ANKRD18A: variants seen among roughly 807,000 people sequenced by gnomAD.
The protein encoded by ANKRD18A is ankyrin repeat domain-containing protein 18A.
In ANKRD18A, 72 loss-of-function variants were observed where a neutral mutation model predicts 110.6. The ratio of observed to expected loss-of-function variants is 0.65; its 90% CI spans 0.54 to 0.79. The LOEUF is 0.79. Among genes scored for constraint, ANKRD18A ranks in the 30% least tolerant of loss-of-function variants. ANKRD18A has a pLI of 0.00. For missense variants in ANKRD18A, 934 were observed against 1,163.3 expected, an observed-to-expected ratio of 0.80 and a Z score of 2.87; for synonymous variants, 305 against 410.3, an observed-to-expected ratio of 0.74 and a Z score of 3.10.
chr9:38,585,427 T>C (rs1319019296), intron 12 of ANKRD18A, among the ~76,000 whole-genome samples: 2 of 152,180 alleles, frequency 1.3e-5, no homozygotes, highest in Non-Finnish European at 2.9e-5. Flanking sequence ...CTTCCTCATA[T>C]TGATTTATGA....
chr9:38,618,794 C>A (rs1825959158), intron 1 of ANKRD18A, among the ~76,000 whole-genome samples: 2 of 151,600 alleles, frequency 1.3e-5, no homozygotes, highest in Non-Finnish European at 2.9e-5. Flanking sequence ...TTCTAGAGTT[C>A]TTTTCTTGTG....
chr9:38,614,378 G>C (rs1825771284), intron 3 of ANKRD18A, among the ~76,000 whole-genome samples: 1 of 151,944 alleles, frequency 6.6e-6, no homozygotes. Context: ...AAACTCCTAG[G>C]CTCAAGCAAT....
intron 12 of ANKRD18A, among the ~76,000 whole-genome samples, chr9:38,584,583 A>C (rs899692932): frequency 2.0e-5 from 3 of 152,210 alleles, no homozygotes; most frequent in African/African-American, 7.2e-5. Flanking sequence ...GTTACACCCC[A>C]AAATTTATTT....
intron 10 of ANKRD18A, among the ~76,000 whole-genome samples, chr9:38,592,771 G>A (rs1489168155): frequency 6.6e-6 from 1 of 152,084 alleles, no homozygotes; most frequent in African/African-American, 2.4e-5. Flanking sequence ...CTACTGATAT[G>A]TGCTACAACA....
chr9:38,580,374 G>C (rs1174129111), intron 12 of ANKRD18A, among the ~76,000 whole-genome samples: 1 of 152,164 alleles, frequency 6.6e-6, no homozygotes, highest in Non-Finnish European at 1.5e-5. Flanking sequence ...TCTCTAGCCT[G>C]GATGACTCTA....
In ANKRD18A at chr9:38,610,320, C is replaced by T; in HGVS notation, c.693G>A (p.Met231Ile). The change falls in exon 5 of 16, where the codon ATG (methionine) becomes ATA (isoleucine). Residue 231 changes from methionine to isoleucine, a missense_variant. Met to Ile is a conservative substitution (Grantham distance 10). This residue lies in a region of ANKRD18A where 630 missense variants were observed against 797.5 expected (regional missense o/e 0.79). Transcript: ENST00000399703. Reference sequence around the variant, plus strand: ...CATAATCCTCGGCAGTTTGGCCAAACATGTCTTGAGAAGAGATACGTATAT... The same window carrying T: ...CATAATCCTCGGCAGTTTGGCCAAATATGTCTTGAGAAGAGATACGTATAT... ...QQNIRISSQD[M>I]FGQTAEDYAL... 1 of 1,550,882 alleles carries T rather than the reference C, an allele frequency of 6.4e-7. No homozygotes were observed.
chr9:38,611,927 A>C (rs544914557), intron 3 of ANKRD18A, among the ~76,000 whole-genome samples: 23 of 152,300 alleles, frequency 1.5e-4, no homozygotes, highest in African/African-American at 4.8e-4. Flanking sequence ...TTTTTGTGGC[A>C]AACATTAACA....
At chr9:38,570,172 CAGGCCCCCATTAGT>C (rs1451353455), downstream of ANKRD18A, among the ~76,000 whole-genome samples, 1 of 152,110 alleles carries the variant, frequency 6.6e-6, no homozygotes, top group African/African-American at 2.4e-5. Flanking sequence ...TCTCCCTAAC[CAGGCCCCCATTAGT>C]AGGCCTCATG....
In ANKRD18A at chr9:38,620,265, G is replaced by A. The variant is rs1254649191; in HGVS notation, c.21C>T (p.Phe7=). MRKLFS[F]GRRLGQALLS... is the part of the protein sequence containing the mutation. The stretch of plus-strand genomic sequence containing the variant: ...GGAGCGCCTGGCCCAGGCGTCTCCC[G>A]AAGCTGAAGAGCTTCCTCATGGTGG... The change falls in exon 1 of 16, where the codon TTC becomes TTT. Residue 7 remains phenylalanine, a synonymous_variant. Coordinates refer to ENST00000399703, the MANE Select transcript of ANKRD18A (RefSeq NM_147195.4). 2 of 1,551,056 alleles carry A rather than the reference G, an allele frequency of 1.3e-6. No individual in the cohort carries two copies. The highest frequency in any genetic ancestry group is 2.4e-5 in the South Asian group (2 of 84,038).
Position 38,617,486 on chromosome 9 carries a change from G to A in ANKRD18A, c.207-1442C>T, listed in dbSNP as rs145958116. Among the ~76,000 whole-genome samples the A allele has an allele frequency of 3.8e-3, 585 of 152,190 alleles. 4 individuals are homozygous for A. The highest frequency in any genetic ancestry group is 0.013 in the African/African-American group (550 of 41,522). Reference sequence around the variant, plus strand: ...AAACAAAAAGAAACGTGAAGCTAAAGGAAACTCATGATTGAGATGAACAGG... The same window carrying A: ...AAACAAAAAGAAACGTGAAGCTAAAAGAAACTCATGATTGAGATGAACAGG... On this transcript the variant is annotated intron_variant, in intron 1 of 15. Transcript: ENST00000399703.
At chr9:38,607,780 T>C (rs1311972741) in intron 5 of ANKRD18A, among the ~76,000 whole-genome samples, 1 of 152,236 alleles carries the variant, frequency 6.6e-6, no homozygotes, top group East Asian at 1.9e-4. Context: ...CCTCGCTCTG[T>C]AACCAATAGG....
chr9:38,618,643 G>A (rs921997495), intron 1 of ANKRD18A, among the ~76,000 whole-genome samples: 2 of 152,142 alleles, frequency 1.3e-5, no homozygotes, highest in East Asian at 1.9e-4. Context: ...AGCAGTGTAA[G>A]TGCCACTGCT....
intron 12 of ANKRD18A, among the ~76,000 whole-genome samples, chr9:38,582,260 A>C (rs1239081642): frequency 6.6e-6 from 1 of 152,244 alleles, no homozygotes; most frequent in African/African-American, 2.4e-5. Context: ...GAGGCACTGG[A>C]TAAGAGACTA....
chr9:38,584,742 A>C (rs1239264034), intron 12 of ANKRD18A, among the ~76,000 whole-genome samples: 1 of 152,188 alleles, frequency 6.6e-6, no homozygotes, highest in East Asian at 1.9e-4. Context: ...TCAAGTCTGT[A>C]AAATTAAATG....
intron 10 of ANKRD18A, among the ~76,000 whole-genome samples, chr9:38,588,895 T>C (rs1378905509): frequency 2.6e-5 from 4 of 152,314 alleles, no homozygotes; most frequent in South Asian, 2.1e-4. Flanking sequence ...CTGCCAAAAA[T>C]GTTTGTTAAA....
chr9:38,607,078 A>G (rs1825392809), intron 6 of ANKRD18A, among the ~76,000 whole-genome samples: 1 of 152,102 alleles, frequency 6.6e-6, no homozygotes, highest in East Asian at 1.9e-4. Flanking sequence ...TTCTTTGGAG[A>G]TAGAGTCTTG....
chr9:38,566,557 G>C (rs1201290554), downstream of ANKRD18A: 1 of 152,054 alleles, frequency 6.6e-6, no homozygotes, highest in Non-Finnish European at 1.5e-5. Context: ...TCCAACCTCT[G>C]TCCATTACCT....
rs755122412 is a variant in ANKRD18A at position 38,577,096 on chromosome 9, C to T, written c.2698G>A (p.Gly900Arg). 1.9e-5 allele frequency: 29 copies of T among 1,548,924 alleles called. No homozygotes were observed. Among genetic ancestry groups the T allele is most frequent in the African/African-American group, 2.7e-5 (2 of 73,050 alleles). The change falls in exon 14 of 16, where the codon GGA becomes AGA. Residue 900 changes from glycine to arginine, a missense_variant. By Grantham distance (125) the Gly-to-Arg change is moderately radical. This residue lies in a region of ANKRD18A where 223 missense variants were observed against 226.7 expected (regional missense o/e 0.98). Transcript: ENST00000399703. ...ELEEFKEAFA[G>R]AVKANNSMSK... Reference sequence around the variant, plus strand: ...ATGGAATTGTTAGCTTTCACTGCTCCTGCAAAGGCTTCCTTAAATTCTTCT... The same window carrying T: ...ATGGAATTGTTAGCTTTCACTGCTCTTGCAAAGGCTTCCTTAAATTCTTCT...
chr9:38,607,363 T>C, intron 6 of ANKRD18A, 63 bp downstream of exon 6: 1 of 1,350,798 alleles, frequency 7.4e-7, no homozygotes. Context: ...GGCCTGTAAT[T>C]TTGCTTTTTA....
Sources: gnomAD v4.1 joint callset for allele counts (sites outside exome capture counted in the v4.1 genomes callset) on GRCh38, gnomAD v4.1.1 for gene constraint, gnomAD v4.1.1 regional missense constraint, MANE v1.5 for transcripts, NCBI Gene and HGNC (gene_info 2026-07-23, HGNC 2026-07-21) for gene names.